CPVL: variants seen among roughly 807,000 people sequenced by gnomAD.
The protein encoded by CPVL is carboxypeptidase vitellogenic like.
In CPVL, 51 loss-of-function variants were observed where a neutral mutation model predicts 63.7. That is an observed-to-expected ratio of 0.80 (90% CI 0.64 to 1.01). CPVL has a LOEUF of 1.01. Ranked by LOEUF, CPVL falls within the 50% of genes least tolerant of loss-of-function variation. The pLI is 0.00. For synonymous variants in CPVL, 195 were observed against 206.0 expected, an observed-to-expected ratio of 0.95 and a Z score of 0.46; for missense variants, 530 against 573.1, an observed-to-expected ratio of 0.92 and a Z score of 0.77.
At chr7:29,061,529 A>T (rs761544272) in intron 11 of CPVL, among the ~76,000 whole-genome samples, 4 of 152,238 alleles carry the variant, frequency 2.6e-5, no homozygotes, top group Admixed American at 6.5e-5. Flanking sequence ...AAAATGCAGG[A>T]TCACCTCTAA....
intron 7 of CPVL, among the ~76,000 whole-genome samples, chr7:29,078,774 C>T (rs1784443561): frequency 6.6e-6 from 1 of 152,110 alleles, no homozygotes; most frequent in African/African-American, 2.4e-5. Context: ...ATATGCTGTC[C>T]AAAAGCCAGA....
chr7:29,162,024 C>G lies in CPVL; in HGVS notation c.-11+19266G>C, dbSNP rs1242259165. Reference sequence around the variant, plus strand: ...CTAAAATAAAAAATACTAATAATACCAAACACTGGCATGGATGCAGGGAAA... The same window carrying G: ...CTAAAATAAAAAATACTAATAATACGAAACACTGGCATGGATGCAGGGAAA... On this transcript the variant is annotated intron_variant, in intron 5 of 16. Transcript: ENST00000409850. Among the ~76,000 whole-genome samples the G allele has an allele frequency of 2.6e-5, 4 of 152,088 alleles. No homozygotes were observed. The South Asian group carries it at 8.3e-4, about 32-fold the overall frequency.
intron 2 of CPVL, among the ~76,000 whole-genome samples, chr7:29,113,076 T>C (rs1207714401): frequency 6.6e-6 from 1 of 152,032 alleles, no homozygotes; most frequent in Non-Finnish European, 1.5e-5. Context: ...TTATAAGCTG[T>C]AATAAGGTTT....
At chr7:29,060,293 G>C (rs1205250003) in intron 11 of CPVL, among the ~76,000 whole-genome samples, 3 of 152,142 alleles carry the variant, frequency 2.0e-5, no homozygotes, top group Non-Finnish European at 2.9e-5. Context: ...TTATAGACAA[G>C]GAAGCCAAAG....
intron 7 of CPVL, 146 bp from the exon 8 acceptor site, chr7:29,072,569 A>T: frequency 1.2e-6 from 1 of 845,450 alleles, no homozygotes; most frequent in Non-Finnish European, 1.7e-6. Context: ...TATAGATTCC[A>T]TAATAGCAAA....
intron 11 of CPVL, among the ~76,000 whole-genome samples, chr7:29,039,306 AC>A (rs1404115391): frequency 1.5e-4 from 23 of 152,216 alleles, no homozygotes; most frequent in Admixed American, 1.4e-3. Context: ...ATGAGAATTA[AC>A]CCTTATTTTA....
chr7:28,995,799 T>A lies in CPVL; in HGVS notation c.1404A>T (p.Gly468=). ...AFDMINRFIY[G]KGWDPYVG is the part of the protein sequence containing the mutation. ...ATCCAACATAAGGATCCCATCCTTT[T>A]CCATAAATGAATCGATTAATCATGT... is the stretch of plus-strand genomic sequence containing the variant. The change falls in exon 13 of 13, where the codon GGA becomes GGT. Residue 468 remains glycine (G), a synonymous_variant. Transcript: ENST00000265394. The A allele has an allele frequency of 2.5e-6, 4 of 1,606,256 alleles. No homozygotes were observed. The highest frequency in any genetic ancestry group is 3.4e-6 in the Non-Finnish European group (4 of 1,176,908).
intron 12 of CPVL, among the ~76,000 whole-genome samples, chr7:29,030,312 C>G (rs1376529421): frequency 6.6e-6 from 1 of 152,182 alleles, no homozygotes; most frequent in Middle Eastern, 3.2e-3. Context: ...TAATGATTTG[C>G]CTCTTTGGAC....
chr7:29,104,403 G>A (rs1363734776), intron 3 of CPVL, among the ~76,000 whole-genome samples: 2 of 152,156 alleles, frequency 1.3e-5, no homozygotes, highest in African/African-American at 4.8e-5. Flanking sequence ...TGGGATTACA[G>A]GTACCTGCCA....
chr7:29,122,718 G>C (rs1409956122), intron 1 of CPVL: 1 of 115,046 alleles, frequency 8.7e-6, no homozygotes. Context: ...AGGGAGAAGC[G>C]AGGGAGGTAC....
intron 1 of CPVL, chr7:29,192,937 T>TG (rs955006210): frequency 2.4e-4 from 36 of 152,340 alleles, no homozygotes; most frequent in African/African-American, 8.2e-4. Context: ...AGAAGAACTC[T>TG]GGGGAAACAG....
intron 5 of CPVL, among the ~76,000 whole-genome samples, chr7:29,158,478 A>T (rs1460668574): frequency 6.6e-6 from 1 of 152,210 alleles, no homozygotes. Flanking sequence ...GAATCCTGAA[A>T]ATTCAGGCAG....
chr7:29,146,903 C>A (rs769981388), upstream of CPVL: 16 of 1,551,024 alleles, frequency 1.0e-5, no homozygotes, highest in African/African-American at 1.5e-4. Context: ...GTTTGATTCC[C>A]ACTGTTTAAA....
intron 3 of CPVL, among the ~76,000 whole-genome samples, chr7:29,096,666 C>T (rs929609886): frequency 2.6e-5 from 4 of 152,134 alleles, no homozygotes; most frequent in African/African-American, 9.7e-5. Flanking sequence ...AGAGCCCAAA[C>T]GCCTTTCTGA....
upstream of CPVL, among the ~76,000 whole-genome samples, chr7:29,151,038 G>C (rs1793520744): frequency 6.6e-6 from 1 of 152,204 alleles, no homozygotes; most frequent in African/African-American, 2.4e-5. Flanking sequence ...GCTTCATTAA[G>C]TGAGAAGTAG....
intron 7 of CPVL, among the ~76,000 whole-genome samples, chr7:29,080,800 T>C (rs892636190): frequency 5.3e-5 from 8 of 152,208 alleles, no homozygotes; most frequent in Admixed American, 5.2e-4. Flanking sequence ...ACTTCACCCA[T>C]GCAGATGAAG....
chr7:29,106,434 G>A (rs1189174597), intron 3 of CPVL, among the ~76,000 whole-genome samples: 1 of 152,000 alleles, frequency 6.6e-6, no homozygotes, highest in Non-Finnish European at 1.5e-5. Flanking sequence ...CATAGCTAAG[G>A]CAGAGTGTCA....
At chr7:29,051,123 A>C (rs1916202) in intron 11 of CPVL, among the ~76,000 whole-genome samples, 99,371 of 151,978 alleles carry the variant, frequency 0.65, 33,034 homozygotes, top group Non-Finnish European at 0.72. Context: ...AAGGACTTAA[A>C]TCTAAAACCT....
intron 6 of CPVL, among the ~76,000 whole-genome samples, chr7:29,091,716 T>A (rs1584236135): frequency 1.3e-5 from 2 of 152,212 alleles, no homozygotes; most frequent in East Asian, 3.8e-4. Flanking sequence ...TATTCTTTTC[T>A]GGGTGGGCAG....
Sources: allele counts gnomAD v4.1 joint callset (sites outside exome capture counted in the v4.1 genomes callset), GRCh38; gene constraint gnomAD v4.1.1; transcripts MANE v1.5; gene names NCBI Gene and HGNC (gene_info 2026-07-23, HGNC 2026-07-21).